The following MEPE variants were observed in gnomAD, a reference collection of about 807,000 sequenced individuals.
The protein encoded by MEPE is matrix extracellular phosphoglycoprotein, also known as matrix, extracellular phosphoglycoprotein with ASARM motif (bone).
A neutral mutation model predicts 7.3 loss-of-function variants in MEPE; 7 were observed. The ratio of observed to expected loss-of-function variants is 0.95; its 90% CI spans 0.54 to 1.79. The LOEUF (loss-of-function observed/expected upper bound fraction) is 1.79. Ranked by LOEUF, MEPE falls within the 40% of genes most tolerant of loss-of-function variation. MEPE has a pLI of 0.00. For synonymous variants in MEPE, 214 were observed against 213.1 expected (o/e 1.00, Z -0.04); for missense variants, 623 against 628.2 (o/e 0.99, Z 0.09).
intron 1 of MEPE, among the ~76,000 whole-genome samples, chr4:87,823,117 G>A (rs1004794715): frequency 6.6e-6 from 1 of 152,094 alleles, no homozygotes; most frequent in African/African-American, 2.4e-5. Context: ...AGCTTTTGAC[G>A]CATCAAAGAG....
At chr4:87,833,552 C>T (rs1722661308) in intron 1 of MEPE, among the ~76,000 whole-genome samples, 1 of 152,050 alleles carries the variant, frequency 6.6e-6, no homozygotes, top group African/African-American at 2.4e-5. Flanking sequence ...ACCAGCTTTT[C>T]CTTGAGGTGT....
At chr4:87,840,000 C>T (rs765411380) in intron 3 of MEPE, 6 of 1,535,526 alleles carry the variant, frequency 3.9e-6, no homozygotes, top group African/African-American at 1.4e-5. Context: ...CCTCGGCCCA[C>T]ATCTCGCTCT....
At chr4:87,822,913 A>G (rs1383219127) in intron 1 of MEPE, among the ~76,000 whole-genome samples, 2 of 152,164 alleles carry the variant, frequency 1.3e-5, no homozygotes, top group East Asian at 1.9e-4. Flanking sequence ...CTCAGGTTGT[A>G]CTGCAGTCAA....
At chr4:87,842,023 A>C (rs2110008333) in intron 3 of MEPE, among the ~76,000 whole-genome samples, 1 of 152,306 alleles carries the variant, frequency 6.6e-6, no homozygotes, top group East Asian at 1.9e-4. Context: ...CAAAATACTG[A>C]AAGGTAGATA....
At chr4:87,830,192 C>A (rs2109991621), upstream of MEPE, among the ~76,000 whole-genome samples, 1 of 152,188 alleles carries the variant, frequency 6.6e-6, no homozygotes, top group East Asian at 1.9e-4. Flanking sequence ...TCTGTAAAAG[C>A]AGAACTACTG....
At chr4:87,833,991 C>A (rs893737274) in intron 1 of MEPE, among the ~76,000 whole-genome samples, 2 of 152,166 alleles carry the variant, frequency 1.3e-5, no homozygotes, top group Admixed American at 6.6e-5. Flanking sequence ...TTTGTGAATT[C>A]TAAAGCAAGT....
chr4:87,839,602 A>C, intron 3 of MEPE: 1 of 925,042 alleles, frequency 1.1e-6, no homozygotes, highest in East Asian at 2.6e-5. Context: ...CAACTTTTAA[A>C]GTTTCTTATA....
At chr4:87,839,909 C>T in intron 3 of MEPE, 1 of 1,536,624 alleles carries the variant, frequency 6.5e-7, no homozygotes, top group Non-Finnish European at 8.7e-7. Context: ...CACTTTTGTC[C>T]CTTCCCTCCC....
At chr4:87,843,714 T>C (rs1161772182) in intron 3 of MEPE, among the ~76,000 whole-genome samples, 1 of 152,320 alleles carries the variant, frequency 6.6e-6, no homozygotes, top group East Asian at 1.9e-4. Flanking sequence ...GGTTATCTAA[T>C]AGCTAAAATA....
chr4:87,831,199 A>G (rs1051795582), upstream of MEPE, among the ~76,000 whole-genome samples: 1 of 152,190 alleles, frequency 6.6e-6, no homozygotes, highest in Admixed American at 6.5e-5. Flanking sequence ...GGGCAAAACA[A>G]GAGAGCAGGC....
Position 87,846,710 on chromosome 4 carries a change from A to G in MEPE, c.*264A>G. 2.6e-6 allele frequency: 1 copy of G among 383,390 alleles called. No homozygotes were observed. Among genetic ancestry groups the G allele is most frequent in the Non-Finnish European group, 4.6e-6 (1 of 215,410 alleles). The allele number at this position is 383,390 out of a possible 1,614,324, so 23.7% of individuals were successfully genotyped here. On this transcript the variant is annotated 3_prime_UTR_variant, in exon 4 of 4. Transcript: ENST00000361056. The stretch of plus-strand genomic sequence containing the variant: ...GGTAACATTTGAGTAGGTGTCATTT[A>G]AAAATAGTTGGTGAATGTCACAAAT...
In MEPE at chr4:87,834,694, T is replaced by C. The variant is rs376198982; in HGVS notation, c.-12-9T>C. 2.4e-5 allele frequency: 39 copies of C among 1,611,508 alleles called. No individual in the cohort carries two copies. The African/African-American group carries it at 3.6e-4, about 15-fold the overall frequency. ...TGCTTTGTGGTAAGATATTGTTGTC[T>C]TTTTACAGAGATTCTCAAAGATGCG... On this transcript the variant is annotated splice_polypyrimidine_tract_variant and intron_variant, in intron 1 of 3. Transcript: ENST00000361056.
intron 3 of MEPE, among the ~76,000 whole-genome samples, chr4:87,839,366 C>T (rs529504508): frequency 3.9e-5 from 6 of 152,168 alleles, no homozygotes; most frequent in Non-Finnish European, 7.3e-5. Flanking sequence ...CTCTCACCCC[C>T]TCCCACCTGA....
rs200104318 is a variant in MEPE, at chr4:87,846,483, A to G, written c.*37A>G. 4.4e-6 allele frequency: 7 copies of G among 1,578,784 alleles called. No homozygotes were observed. The highest frequency in any genetic ancestry group is 1.2e-5 in the South Asian group (1 of 84,200). ...TTCCCAGCGGGGTGACAGTCTGAAG[A>G]CCTCGTCACCTGTGAGTTGATGTAG... On this transcript the variant is annotated 3_prime_UTR_variant, in exon 4 of 4. Transcript: ENST00000361056.
intron 1 of MEPE, among the ~76,000 whole-genome samples, chr4:87,834,113 G>C (rs1403628312): frequency 6.6e-6 from 1 of 152,196 alleles, no homozygotes; most frequent in Non-Finnish European, 1.5e-5. Context: ...AAAATTCTTA[G>C]ACCCAGTGCT....
rs1344692633 is a variant in MEPE, at chr4:87,845,218, A to G, written c.350A>G (p.Tyr117Cys). The part of the protein sequence containing the change: ...NTHNGLRMSI[Y>C]PKSTGNKGFE... ...CACAATGGCCTGAGGATGTCAATTT[A>G]TCCTAAGTCAACTGGGAATAAAGGG... The change falls in exon 4 of 4, where the codon TAT becomes TGT. Residue 117 changes from tyrosine (Y) to cysteine (C), a missense_variant. By Grantham distance (194) the Tyr-to-Cys change is radical (BLOSUM62 -2). Transcript: ENST00000361056. 1.2e-6 allele frequency: 2 copies of G among 1,613,920 alleles called. No individual in the cohort carries two copies. Among genetic ancestry groups the G allele is most frequent in the Admixed American group, 3.3e-5 (2 of 59,974 alleles).
chr4:87,824,272 T>C (rs1156499093), intron 1 of MEPE, among the ~76,000 whole-genome samples: 1 of 152,228 alleles, frequency 6.6e-6, no homozygotes, highest in Non-Finnish European at 1.5e-5. Context: ...AGAACCAAGA[T>C]CAAGCTTCCC....
chr4:87,833,909 A>C (rs1242838180), intron 1 of MEPE, among the ~76,000 whole-genome samples: 1 of 152,206 alleles, frequency 6.6e-6, no homozygotes, highest in Non-Finnish European at 1.5e-5. Flanking sequence ...AAGGTGGCAG[A>C]GAGTCTTGAT....
chr4:87,843,297 C>T (rs1723084816), intron 3 of MEPE, among the ~76,000 whole-genome samples: 1 of 152,088 alleles, frequency 6.6e-6, no homozygotes. Context: ...AAACCAAATT[C>T]TTCACCCTGG....
Sources: allele counts gnomAD v4.1 joint callset (sites outside exome capture counted in the v4.1 genomes callset), GRCh38; gene constraint gnomAD v4.1.1; transcripts MANE v1.5; gene names NCBI Gene and HGNC (gene_info 2026-07-23, HGNC 2026-07-21).